The following F9 variants were observed in gnomAD, a reference collection of about 807,000 sequenced individuals.
F9 encodes coagulation factor IX, also known as Christmas factor.
Under a neutral mutation model 34.1 loss-of-function variants are expected in F9, and 2 were observed. The ratio of observed to expected loss-of-function variants is 0.06; its 90% CI spans 0.02 to 0.18. F9 has a LOEUF of 0.18. Ranked by LOEUF, F9 falls within the 10% of genes least tolerant of loss-of-function variation. The pLI is 1.00. For missense variants in F9, 216 were observed against 345.1 expected, an observed-to-expected ratio of 0.63 and a Z score of 2.96; for synonymous variants, 137 against 118.8, an observed-to-expected ratio of 1.15 and a Z score of -1.00.
At position 139,562,031 on chromosome X, in the gene F9, G is replaced by A. The variant is rs143018900; in HGVS notation, c.1346G>A (p.Arg449Gln). The change falls in exon 8 of 8, where the codon CGG becomes CAG. Residue 449 changes from arginine (R) to glutamine (Q), a missense_variant. By Grantham distance (43) the Arg-to-Gln change is conservative. Coordinates refer to ENST00000218099, the MANE Select transcript of F9 (RefSeq NM_000133.4). The stretch of plus-strand genomic sequence containing the variant: ...TATGGAATATATACCAAGGTATCCC[G>A]GTATGTCAACTGGATTAAGGAAAAA... ...GKYGIYTKVS[R>Q]YVNWIKEKTK... 64 of 1,209,277 alleles carry A rather than the reference G, an allele frequency of 5.3e-5. 1 individual carries two copies. The highest frequency in any genetic ancestry group is 2.3e-4 in the Middle Eastern group (1 of 4,351).
chrX:139,560,335 A>G (rs1047762901), intron 6 of F9, among the ~76,000 whole-genome samples: 1 of 112,130 alleles, frequency 8.9e-6, no homozygotes, highest in South Asian at 3.7e-4. Flanking sequence ...TCATGTAGGT[A>G]CAGGGAACAC....
intron 6 of F9, among the ~76,000 whole-genome samples, chrX:139,554,891 AAAG>A (rs1440309055): frequency 8.9e-6 from 1 of 112,772 alleles, no homozygotes; most frequent in Non-Finnish European, 1.9e-5. Context: ...GAAATCTCAC[AAAG>A]AAGAACATAG....
At chrX:139,535,650 T>C (rs1927441959) in intron 1 of F9, among the ~76,000 whole-genome samples, 1 of 111,486 alleles carries the variant, frequency 9.0e-6, no homozygotes, top group African/African-American at 3.3e-5. Context: ...ATCAGATATA[T>C]TGCTAGACCC....
chrX:139,550,964 G>A, intron 5 of F9, 98 bp from the exon 6 acceptor site: 1 of 716,522 alleles, frequency 1.4e-6, no homozygotes, highest in East Asian at 3.3e-5. Flanking sequence ...CTGCTTCTCA[G>A]AAGTGACAAG....
At chrX:139,553,737 G>A (rs1329630503) in intron 6 of F9, among the ~76,000 whole-genome samples, 2 of 103,926 alleles carry the variant, frequency 1.9e-5, no homozygotes, top group African/African-American at 7.1e-5. Context: ...GGCGTGAACC[G>A]GGGAGGCGGA....
At chrX:139,560,650 T>C (rs1289910424) in intron 6 of F9, 91 bp from the exon 7 acceptor site, 1 of 614,617 alleles carries the variant, frequency 1.6e-6, no homozygotes. Context: ...TAGAAGCCAA[T>C]ATTTTGCCTA....
rs1269956784 is a variant in F9 at position 139,562,655 on chromosome X, C to G, written c.*584C>G. 8.9e-6 allele frequency: 1 copy of G among 112,093 alleles called. No homozygotes were observed. The highest frequency in any genetic ancestry group is 1.8e-5 in the Non-Finnish European group (1 of 54,172). 9.2% of individuals were successfully genotyped at this position (112,093 alleles called of 1,213,427 possible). ...AGTTTTTCTCTTTCTTACTCCCTCT[C>G]TCCCTTTTACCCTCCATGGTCGTTA... On this transcript the variant is annotated 3_prime_UTR_variant, in exon 8 of 8. Transcript: ENST00000218099.
rs780347965 is a variant in F9 at position 139,548,427 on chromosome X, G to A, written c.456G>A (p.Lys152=). 8.3e-7 allele frequency: 1 copy of A among 1,210,565 alleles called. No individual in the cohort carries two copies. Among genetic ancestry groups the A allele is most frequent in the Admixed American group, 2.2e-5 (1 of 45,991 alleles). Residue 152 remains lysine (K), a synonymous_variant, in exon 5 of 8, where the codon AAG becomes AAA. Coordinates refer to ENST00000218099, the MANE Select transcript of F9 (RefSeq NM_000133.4). ...EQFCKNSADN[K]VVCSCTEGYR... is the part of the protein sequence containing the mutation. ...TTTGTAAAAATAGTGCTGATAACAA[G>A]GTGGTTTGCTCCTGTACTGAGGGAT...
At chrX:139,561,372 A>G (rs1928097511) in intron 7 of F9, 152 bp from the exon 8 acceptor site, 2 of 494,666 alleles carry the variant, frequency 4.0e-6, no homozygotes, top group Non-Finnish European at 6.8e-6. Flanking sequence ...AAAAATATGC[A>G]TTGGCTCTCA....
chrX:139,544,580 A>G (rs1286468276), intron 4 of F9: 1 of 111,397 alleles, frequency 9.0e-6, no homozygotes, highest in Non-Finnish European at 1.9e-5. Context: ...TAGATTCATC[A>G]CTCAAAAATT....
rs146178073 is a variant in F9, at chrX:139,538,943, C to T, written c.277+1557C>T. Among the ~76,000 whole-genome samples the T allele has an allele frequency of 3.8e-3, 409 of 108,001 alleles. 2 individuals carry two copies. Among genetic ancestry groups the T allele is most frequent in the African/African-American group, 0.014 (381 of 27,683 alleles). 93.8% of individuals were successfully genotyped at this position (108,001 alleles called of 115,157 possible). On this transcript the variant is annotated intron_variant, in intron 3 of 7. Coordinates refer to ENST00000218099, the MANE Select transcript of F9 (RefSeq NM_000133.4). ...GGGTATTATTCTGTTACTACTGCTT[C>T]GTCAACCAAAAAATAAAACAAAACA...
At chrX:139,556,823 C>T (rs748279435) in intron 6 of F9, among the ~76,000 whole-genome samples, 32 of 112,400 alleles carry the variant, frequency 2.8e-4, no homozygotes, top group Admixed American at 2.8e-3. Flanking sequence ...CTAGGCAAAC[C>T]ACATCTGTGG....
chrX:139,539,683 G>A (rs780050791), intron 3 of F9, among the ~76,000 whole-genome samples: 1 of 112,685 alleles, frequency 8.9e-6, no homozygotes, highest in Non-Finnish European at 1.9e-5. Flanking sequence ...AAGGGCAAAT[G>A]TAGCTCATTT....
intron 5 of F9, among the ~76,000 whole-genome samples, chrX:139,549,845 C>T (rs770570145): frequency 9.4e-4 from 105 of 112,067 alleles, no homozygotes; most frequent in African/African-American, 3.2e-3. Context: ...AAACCAGAAG[C>T]TAGGAATATA....
intron 3 of F9, 24 bp downstream of exon 3, chrX:139,537,410 A>G (rs1337342446): frequency 8.8e-7 from 1 of 1,132,233 alleles, no homozygotes; most frequent in Non-Finnish European, 1.2e-6. Context: ...TTTATCCTCT[A>G]GCTAATATAT....
intron 6 of F9, among the ~76,000 whole-genome samples, chrX:139,555,771 G>A (rs1161560946): frequency 8.9e-6 from 1 of 112,182 alleles, no homozygotes; most frequent in Non-Finnish European, 1.9e-5. Flanking sequence ...GTTAGTATAT[G>A]TCTAGAGGTG....
intron 7 of F9, 150 bp downstream of exon 7, chrX:139,561,005 G>T: frequency 2.0e-6 from 1 of 499,716 alleles, no homozygotes. Context: ...ACGTCGCACC[G>T]TCCTCCAAGC....
At chrX:139,542,604 T>G (rs1233981579) in intron 4 of F9, among the ~76,000 whole-genome samples, 1 of 112,030 alleles carries the variant, frequency 8.9e-6, no homozygotes, top group Non-Finnish European at 1.9e-5. Context: ...GTAACTCAAT[T>G]AGTCTCAGTT....
Position 139,543,926 on chromosome X carries a change from G to A in F9, c.391+2737G>A, listed in dbSNP as rs78552317. Among the ~76,000 whole-genome samples the A allele has an allele frequency of 1.7e-4, 19 of 111,657 alleles. No individual in the cohort carries two copies. The East Asian group carries it at 5.4e-3, about 32-fold the overall frequency. ...ATGGAACTCTCCCCTGGAATTCCTT[G>A]TGCCATTATTTTATTTCTGGAATCT... On this transcript the variant is annotated intron_variant, in intron 4 of 7. Coordinates refer to ENST00000218099, the MANE Select transcript of F9 (RefSeq NM_000133.4).
Sources: allele counts gnomAD v4.1 joint callset (sites outside exome capture counted in the v4.1 genomes callset), GRCh38; gene constraint gnomAD v4.1.1; transcripts MANE v1.5; gene names NCBI Gene and HGNC (gene_info 2026-07-23, HGNC 2026-07-21).